Variants in ATG2B observed in about 807,000 individuals in gnomAD.
The protein encoded by ATG2B is autophagy related 2B.
Under a neutral mutation model 241.3 loss-of-function variants are expected in ATG2B, and 121 were observed. The ratio of observed to expected loss-of-function variants is 0.50; its 90% confidence interval spans 0.43 to 0.58. The LOEUF is 0.58. ATG2B is among the 20% of genes least tolerant of loss of function. ATG2B has a pLI of 0.00. For synonymous variants in ATG2B, 858 were observed against 876.6 expected, an observed-to-expected ratio of 0.98 and a Z score of 0.37; for missense variants, 2,306 against 2,491.6, an observed-to-expected ratio of 0.93 and a Z score of 1.59.
At chr14:96,308,265 T>TATATATATAC (rs1887040997) in intron 29 of ATG2B, among the ~76,000 whole-genome samples, 2 of 26,136 alleles carry the variant, frequency 7.7e-5, no homozygotes, top group Non-Finnish European at 1.7e-4. Context: ...CACATATATA[T>TATATATATAC]ATATATATAT....
rs774028462 is a variant in ATG2B at position 96,362,952 on chromosome 14, T to C, written c.25A>G (p.Ile9Val). 38 of 1,613,452 alleles carry C rather than the reference T, an allele frequency of 2.4e-5. No homozygotes were observed. Among genetic ancestry groups the C allele is most frequent in the Middle Eastern group, 1.7e-4 (1 of 6,054 alleles). Residue 9 changes from isoleucine to valine, a missense_variant, in exon 1 of 42, where the codon ATC becomes GTC. Physicochemically the swap from Ile to Val is conservative, Grantham distance 29 (BLOSUM62 3). Coordinates refer to ENST00000359933, the MANE Select transcript of ATG2B (RefSeq NM_018036.7). Reference protein sequence around the residue: MPWPFSESIKKRACRYLLQ... With the variant: MPWPFSESVKKRACRYLLQ... ...AGGTACCGGCAGGCCCTCTTCTTGA[T>C]GGACTCCGAAAACGGCCAAGGCATA...
chr14:96,324,155 G>GA (rs1004875373), intron 15 of ATG2B, 157 bp from the exon 16 acceptor site: 14 of 576,668 alleles, frequency 2.4e-5, no homozygotes, highest in African/African-American at 1.5e-4. Flanking sequence ...GTGGTAGACA[G>GA]AATGAGCCAA....
In ATG2B at chr14:96,362,802, C is replaced by G. The variant is rs752945698; in HGVS notation, c.162+13G>C. 24 of 1,586,588 alleles carry G rather than the reference C, an allele frequency of 1.5e-5. No homozygotes were observed. In the African/African-American group the frequency reaches 3.0e-4, roughly 20 times the overall value. On this transcript the variant is annotated intron_variant, in intron 1 of 41. Transcript: ENST00000359933. ...GAGCGAGCCCCGCCCGGCTCGCCGCCGGCAGCTCTTACCCATTTGTCCAAG... is the reference window on the plus strand; with the variant it reads ...GAGCGAGCCCCGCCCGGCTCGCCGCGGGCAGCTCTTACCCATTTGTCCAAG...
intron 6 of ATG2B, among the ~76,000 whole-genome samples, chr14:96,336,004 G>T (rs574278302): frequency 1.3e-5 from 2 of 152,158 alleles, no homozygotes; most frequent in South Asian, 2.1e-4. Flanking sequence ...TCAACTCAAT[G>T]TAACATGGTA....
chr14:96,314,504 C>A lies in ATG2B; in HGVS notation c.3642+650G>T, dbSNP rs138025448. The stretch of plus-strand genomic sequence containing the variant: ...CTTAAAGAACTTCTGATTATAAAAG[C>A]AATTCAACACACCATTCACTGCTCC... On this transcript the variant is annotated intron_variant, in intron 23 of 41. Transcript: ENST00000359933. Among the ~76,000 whole-genome samples, 646 of 152,250 alleles carry A rather than the reference C, an allele frequency of 4.2e-3. 26 individuals are homozygous for A. The South Asian group carries it at 0.067, about 16-fold the overall frequency.
At chr14:96,350,704 G>T (rs571267736) in intron 1 of ATG2B, among the ~76,000 whole-genome samples, 12 of 152,348 alleles carry the variant, frequency 7.9e-5, no homozygotes, top group Admixed American at 2.0e-4. Context: ...GTTGAATAGT[G>T]AGACTTGATC....
chr14:96,321,711 T>A (rs1887460812), intron 18 of ATG2B, among the ~76,000 whole-genome samples: 1 of 152,210 alleles, frequency 6.6e-6, no homozygotes, highest in African/African-American at 2.4e-5. Context: ...ACAAGATATC[T>A]TTTTGAATGC....
At chr14:96,337,936 A>T (rs1887908933) in intron 6 of ATG2B, among the ~76,000 whole-genome samples, 1 of 152,082 alleles carries the variant, frequency 6.6e-6, no homozygotes, top group Non-Finnish European at 1.5e-5. Context: ...TGTTTGTGCC[A>T]TCTATTCTTT....
chr14:96,309,701 A>C, intron 28 of ATG2B, 107 bp from the exon 29 acceptor site: 1 of 1,094,504 alleles, frequency 9.1e-7, no homozygotes, highest in Non-Finnish European at 1.3e-6. Context: ...AAAACATCAG[A>C]AATAGAAACC....
chr14:96,344,683 A>C lies in ATG2B; in HGVS notation c.552T>G (p.Thr184=). 6.2e-7 allele frequency: 1 copy of C among 1,606,082 alleles called. No individual in the cohort carries two copies. Among genetic ancestry groups the C allele is most frequent in the Non-Finnish European group, 8.5e-7 (1 of 1,175,828 alleles). Residue 184 remains threonine (T), a synonymous_variant, in exon 4 of 42, where the codon ACT becomes ACG. Coordinates refer to ENST00000359933, the MANE Select transcript of ATG2B (RefSeq NM_018036.7). ...RIEHVPENSK[T]GTALEIRIER... ...CTATTCGAATTTCAAGTGCAGTTCCAGTTTTGGAATTTTCTGGCACATGTT... is the reference window on the plus strand; with the variant it reads ...CTATTCGAATTTCAAGTGCAGTTCCCGTTTTGGAATTTTCTGGCACATGTT...
chr14:96,320,327 A>G (rs962778318), intron 18 of ATG2B, among the ~76,000 whole-genome samples: 1 of 152,168 alleles, frequency 6.6e-6, no homozygotes, highest in Non-Finnish European at 1.5e-5. Flanking sequence ...TTTAAATAAA[A>G]ACTGTACCGT....
intron 10 of ATG2B, among the ~76,000 whole-genome samples, chr14:96,331,929 T>G (rs1887747943): frequency 6.6e-6 from 1 of 152,060 alleles, no homozygotes; most frequent in South Asian, 2.1e-4. Context: ...GCTCACCAAA[T>G]TTTCCTTTAA....
At chr14:96,304,385 C>T (rs1027923418) in intron 32 of ATG2B, 110 bp downstream of exon 32, 12 of 701,506 alleles carry the variant, frequency 1.7e-5, no homozygotes, top group Non-Finnish European at 2.4e-5. Flanking sequence ...TGCACTTTTC[C>T]AATCCAAAGG....
At chr14:96,298,448 T>C (rs1384611409) in intron 34 of ATG2B, among the ~76,000 whole-genome samples, 1 of 152,214 alleles carries the variant, frequency 6.6e-6, no homozygotes, top group Non-Finnish European at 1.5e-5. Context: ...CCAAGAGAAG[T>C]GAAAACGTAT....
rs375571961 is a variant in ATG2B at position 96,291,678 on chromosome 14, G to A, written c.5501C>T (p.Thr1834Met). Reference sequence around the variant, plus strand: ...CAGACCAATCAAAATCCCAGCTAGCGTACCCTTCAAAATTAAAAAAGGCCA... The same window carrying A: ...CAGACCAATCAAAATCCCAGCTAGCATACCCTTCAAAATTAAAAAAGGCCA... ...HGKHVSMDQG[T>M]LAGILIGLAQ... Residue 1834 changes from threonine (T) to methionine (M), a missense_variant, in exon 38 of 42, where the codon ACG (threonine) becomes ATG (methionine). Around this residue, in one of 2 missense-constraint regions of ATG2B, gnomAD observed 379 missense variants for 480.4 expected, o/e 0.79. Coordinates refer to ENST00000359933, the MANE Select transcript of ATG2B (RefSeq NM_018036.7). The A allele has an allele frequency of 1.0e-5, 16 of 1,602,112 alleles. No individual in the cohort carries two copies. Among genetic ancestry groups the A allele is most frequent in the South Asian group, 6.7e-5 (6 of 89,060 alleles).
At position 96,302,506 on chromosome 14, in the gene ATG2B, G is replaced by A. The variant is rs564723267; in HGVS notation, c.5038-398C>T. Among the ~76,000 whole-genome samples the A allele has an allele frequency of 9.9e-5, 15 of 152,206 alleles. No individual in the cohort carries two copies. In the East Asian group the frequency reaches 1.9e-3, roughly 20 times the overall value. On this transcript the variant is annotated intron_variant, in intron 33 of 41. Coordinates refer to ENST00000359933, the MANE Select transcript of ATG2B (RefSeq NM_018036.7). Reference sequence around the variant, plus strand: ...GGTTGAATGGGAGGCTAGTTTGAGCGCAGGAGGTCACGGCTGCAGTGAACT... The same window carrying A: ...GGTTGAATGGGAGGCTAGTTTGAGCACAGGAGGTCACGGCTGCAGTGAACT...
chr14:96,316,153 G>A (rs1473703297), intron 21 of ATG2B, among the ~76,000 whole-genome samples: 3 of 152,170 alleles, frequency 2.0e-5, no homozygotes, highest in Admixed American at 2.0e-4. Flanking sequence ...ACAGAGTGTA[G>A]GTTAGTGTGT....
chr14:96,361,247 C>T (rs189095170), intron 1 of ATG2B, among the ~76,000 whole-genome samples: 104 of 152,224 alleles, frequency 6.8e-4, no homozygotes, highest in Admixed American at 4.0e-3. Context: ...TAAATAAAAC[C>T]TCACAAATGA....
intron 31 of ATG2B, 117 bp from the exon 32 acceptor site, chr14:96,304,720 C>A: frequency 1.4e-6 from 1 of 716,472 alleles, no homozygotes; most frequent in East Asian, 2.7e-5. Context: ...ACAGAGCTAT[C>A]AGAACGCTGC....
Sources: gnomAD v4.1 joint callset for allele counts (sites outside exome capture counted in the v4.1 genomes callset) on GRCh38, gnomAD v4.1.1 for gene constraint, gnomAD v4.1.1 regional missense constraint, MANE v1.5 for transcripts, NCBI Gene and HGNC (gene_info 2026-07-23, HGNC 2026-07-21) for gene names.